SRD5A2: variants seen among roughly 807,000 people sequenced by gnomAD.
SRD5A2 encodes steroid 5 alpha-reductase 2.
A neutral mutation model predicts 27.4 loss-of-function variants in SRD5A2; 30 were observed. The observed-to-expected ratio is 1.10, with a 90% CI of 0.82 to 1.49. SRD5A2 has a LOEUF of 1.49. Among genes scored for constraint, SRD5A2 ranks in the 40% most tolerant of loss-of-function variants. The pLI is 0.00. For missense variants in SRD5A2, 348 were observed against 323.4 expected, an observed-to-expected ratio of 1.08 and a Z score of -0.58; for synonymous variants, 141 against 133.6, an observed-to-expected ratio of 1.06 and a Z score of -0.38.
intron 1 of SRD5A2, among the ~76,000 whole-genome samples, chr2:31,569,873 A>G (rs1476388405): frequency 1.3e-5 from 2 of 152,162 alleles, no homozygotes; most frequent in African/African-American, 4.8e-5. Context: ...CCAAAGAAAA[A>G]TGGAAAAATT....
At chr2:31,630,732 AATCTTAAAGTATGGGGCTATTCTGTTAG>A in the SRD5A2 span, among the ~76,000 whole-genome samples, 1 of 152,222 alleles carries the variant, frequency 6.6e-6, no homozygotes, top group African/African-American at 2.4e-5. Context: ...CTAACTCAAA[AATCTTAAAGTATGGGGCTATTCTGTTAG>A]AAAAAGGTGA....
At chr2:31,569,760 C>G (rs534998010) in intron 1 of SRD5A2, among the ~76,000 whole-genome samples, 21 of 150,648 alleles carry the variant, frequency 1.4e-4, no homozygotes, top group African/African-American at 4.9e-4. Context: ...TGTCATAGAC[C>G]TGAAATTAAA....
the SRD5A2 span, among the ~76,000 whole-genome samples, chr2:31,621,987 A>G: frequency 1.3e-5 from 2 of 151,150 alleles, no homozygotes; most frequent in South Asian, 2.1e-4. Context: ...TTAAGTCAGG[A>G]GTACATGTAC....
the SRD5A2 span, among the ~76,000 whole-genome samples, chr2:31,606,423 T>G: frequency 6.6e-6 from 1 of 151,954 alleles, no homozygotes; most frequent in Non-Finnish European, 1.5e-5. Flanking sequence ...ACAACTATCA[T>G]GTACCCACAA....
At chr2:31,654,823 G>A in the SRD5A2 span, among the ~76,000 whole-genome samples, 1 of 152,156 alleles carries the variant, frequency 6.6e-6, no homozygotes, top group Non-Finnish European at 1.5e-5. Context: ...ACACTGATTA[G>A]AGACATGCTA....
At chr2:31,607,159 T>G in the SRD5A2 span, among the ~76,000 whole-genome samples, 1 of 152,008 alleles carries the variant, frequency 6.6e-6, no homozygotes, top group Non-Finnish European at 1.5e-5. Flanking sequence ...ATCTTATAGA[T>G]GAAATCCAAC....
At chr2:31,633,319 C>T in the SRD5A2 span, among the ~76,000 whole-genome samples, 1 of 152,184 alleles carries the variant, frequency 6.6e-6, no homozygotes, top group Non-Finnish European at 1.5e-5. Flanking sequence ...AAACCTTTCA[C>T]TTAGGCATTG....
chr2:31,547,730 A>G (rs1412088336), intron 1 of SRD5A2, among the ~76,000 whole-genome samples: 1 of 152,134 alleles, frequency 6.6e-6, no homozygotes, highest in Non-Finnish European at 1.5e-5. Flanking sequence ...TCAGACTTGG[A>G]ATGAGCCATG....
At chr2:31,628,552 T>C in the SRD5A2 span, among the ~76,000 whole-genome samples, 1 of 152,188 alleles carries the variant, frequency 6.6e-6, no homozygotes, top group African/African-American at 2.4e-5. Flanking sequence ...CTTTGTGTTG[T>C]TGCTTTATAG....
Position 31,524,198 on chromosome 2 carries a change from T to G in SRD5A2, c.*1998A>C, listed in dbSNP as rs1453113062. On this transcript the variant is annotated 3_prime_UTR_variant, in exon 5 of 5. Coordinates refer to ENST00000622030, the MANE Select transcript of SRD5A2 (RefSeq NM_000348.4). ...AGTAAAATAAAGGACTTAAGCAAGG[T>G]AGTTTTCAATGTCATGGAGAGAACT... 4.4e-6 allele frequency: 1 copy of G among 225,152 alleles called. No individual in the cohort carries two copies. The highest frequency in any genetic ancestry group is 2.2e-5 in the African/African-American group (1 of 44,906). 13.9% of individuals were successfully genotyped at this position (225,152 alleles called of 1,614,324 possible). A position where few individuals can be genotyped will look rare whatever the true frequency, so the allele number is the denominator to read the frequency against.
In SRD5A2 at chr2:31,524,093, G is replaced by A. The variant is rs1417531064; in HGVS notation, c.*2103C>T. The A allele has an allele frequency of 1.3e-5, 3 of 222,784 alleles. No homozygotes were observed. Among genetic ancestry groups the A allele is most frequent in the African/African-American group, 2.2e-5 (1 of 44,760 alleles). 13.8% of individuals were successfully genotyped at this position (222,784 alleles called of 1,614,324 possible). On this transcript the variant is annotated 3_prime_UTR_variant, in exon 5 of 5. Coordinates refer to ENST00000622030, the MANE Select transcript of SRD5A2 (RefSeq NM_000348.4). ...GCAAAAAGTGAAATTGCCAAATGGC[G>A]GTTTTGTCCTGAGACTGAGTACTGC...
intron 1 of SRD5A2, among the ~76,000 whole-genome samples, chr2:31,560,726 G>T (rs1666605573): frequency 6.6e-6 from 1 of 151,710 alleles, no homozygotes; most frequent in Non-Finnish European, 1.5e-5. Context: ...TTATGCACCT[G>T]CTCTTTTTCT....
the SRD5A2 span, among the ~76,000 whole-genome samples, chr2:31,660,498 G>C: frequency 6.6e-6 from 1 of 152,022 alleles, no homozygotes; most frequent in Admixed American, 6.6e-5. Flanking sequence ...AACACCAAGA[G>C]TGAACCCTAA....
chr2:31,626,382 T>C, the SRD5A2 span, among the ~76,000 whole-genome samples: 1 of 152,282 alleles, frequency 6.6e-6, no homozygotes, highest in Admixed American at 6.5e-5. Context: ...TGGCCAGAAC[T>C]TCCAATACTA....
At chr2:31,588,942 G>A in the SRD5A2 span, among the ~76,000 whole-genome samples, 1 of 152,116 alleles carries the variant, frequency 6.6e-6, no homozygotes, top group South Asian at 2.1e-4. Flanking sequence ...TTTGCTGCAA[G>A]AACTACCATG....
chr2:31,523,229 G>A lies in SRD5A2; in HGVS notation c.*2967C>T, dbSNP rs1665697634. The A allele has an allele frequency of 4.6e-6, 1 of 215,868 alleles. No homozygotes were observed. The highest frequency in any genetic ancestry group is 6.8e-5 in the East Asian group (1 of 14,628). 13.4% of individuals were successfully genotyped at this position (215,868 alleles called of 1,614,324 possible). On this transcript the variant is annotated 3_prime_UTR_variant, in exon 5 of 5. Transcript: ENST00000622030. ...ATTCTGTCAAATAGGTTTATGAAAG[G>A]GCATGAGCCTGGTGCTCCCACGGAG...
At chr2:31,526,518 T>A (rs537926969) in intron 4 of SRD5A2, among the ~76,000 whole-genome samples, 8 of 152,288 alleles carry the variant, frequency 5.3e-5, no homozygotes, top group African/African-American at 1.7e-4. Flanking sequence ...ATGTACCTAA[T>A]GCCACTGAAT....
At chr2:31,580,486 G>C in intron 1 of SRD5A2, 134 bp downstream of exon 1, 1 of 1,151,492 alleles carries the variant, frequency 8.7e-7, no homozygotes, top group Non-Finnish European at 1.2e-6. Flanking sequence ...CGCCAGGCAG[G>C]CTGGCCTCCG....
At chr2:31,607,482 G>A in the SRD5A2 span, among the ~76,000 whole-genome samples, 3 of 151,654 alleles carry the variant, frequency 2.0e-5, no homozygotes, top group African/African-American at 7.3e-5. Context: ...TGAGAAGAAA[G>A]TGGAACATTC....
Sources: allele counts gnomAD v4.1 joint callset (sites outside exome capture counted in the v4.1 genomes callset), GRCh38; gene constraint gnomAD v4.1.1; transcripts MANE v1.5; gene names NCBI Gene and HGNC (gene_info 2026-07-23, HGNC 2026-07-21).